The following SLA variants were observed in gnomAD, a reference collection of about 807,000 sequenced individuals.
SLA encodes Src like adaptor, also known as src-like-adapter.
A neutral mutation model predicts 30.3 loss-of-function variants in SLA; 16 were observed. The ratio of observed to expected loss-of-function variants is 0.53; its 90% CI spans 0.36 to 0.80. SLA has a LOEUF of 0.80. Ranked by LOEUF, SLA falls within the 30% of genes least tolerant of loss-of-function variation. The pLI is 0.01. For missense variants in SLA, 310 were observed against 345.2 expected (o/e 0.90, Z 0.81); for synonymous variants, 143 against 137.8 (o/e 1.04, Z -0.26).
intron 1 of SLA, among the ~76,000 whole-genome samples, chr8:133,080,808 A>T (rs1845627924): frequency 6.6e-6 from 1 of 152,086 alleles, no homozygotes; most frequent in Non-Finnish European, 1.5e-5. Flanking sequence ...TCCTGTGTGG[A>T]TGCCTTTCCC....
intron 2 of SLA, among the ~76,000 whole-genome samples, chr8:133,073,543 A>G (rs1192903646): frequency 6.6e-6 from 1 of 152,138 alleles, no homozygotes; most frequent in African/African-American, 2.4e-5. Flanking sequence ...TGTATTAAAT[A>G]GCATTCTTCT....
At chr8:133,042,787 G>A (rs922333623) in intron 7 of SLA, among the ~76,000 whole-genome samples, 6 of 143,422 alleles carry the variant, frequency 4.2e-5, no homozygotes, top group Non-Finnish European at 3.0e-5. Context: ...TCTGCCTCCT[G>A]GGTTCAAGTG....
chr8:133,054,540 G>A (rs560559656), intron 3 of SLA, among the ~76,000 whole-genome samples: 4 of 152,188 alleles, frequency 2.6e-5, no homozygotes, highest in African/African-American at 9.7e-5. Flanking sequence ...GCATTTTAGG[G>A]CCTGCCTTAG....
chr8:133,075,273 T>C (rs1844683603), intron 1 of SLA, 143 bp from the exon 2 acceptor site: 3 of 305,084 alleles, frequency 9.8e-6, no homozygotes, highest in Admixed American at 1.3e-4. Flanking sequence ...TTTGCTCTTG[T>C]ACATCCCCAG....
chr8:133,090,472 G>A (rs903133858), intron 1 of SLA, among the ~76,000 whole-genome samples: 3 of 152,212 alleles, frequency 2.0e-5, no homozygotes, highest in Non-Finnish European at 2.9e-5. Context: ...ACAGGGAAGC[G>A]AAGCAAGTTG....
chr8:133,067,811 AG>A (rs1373236170), intron 2 of SLA, among the ~76,000 whole-genome samples: 2 of 119,378 alleles, frequency 1.7e-5, no homozygotes, highest in Non-Finnish European at 4.1e-5. Flanking sequence ...AAAGAAAGAA[AG>A]GAAGGAAGGA....
intron 7 of SLA, among the ~76,000 whole-genome samples, chr8:133,043,084 G>A (rs1419509480): frequency 2.6e-5 from 4 of 152,086 alleles, no homozygotes; most frequent in South Asian, 2.1e-4. Flanking sequence ...AAACAGTTCC[G>A]GTTTTTACCC....
Position 133,040,044 on chromosome 8 carries a change from G to T in SLA, c.571C>A (p.Pro191Thr). Residue 191 changes from proline to threonine, a missense_variant, in exon 8 of 9, where the codon CCT becomes ACT. Pro to Thr is a conservative substitution (Grantham distance 38, BLOSUM62 -1). Coordinates refer to ENST00000338087, the MANE Select transcript of SLA (RefSeq NM_001045556.3). ...AAPAVRASSS[P>T]VTLRQKTVDW... ...ACAGTCTTCTGACGCAAGGTGACAG[G>T]TGAGCTGGAGGCCCTCACTGCTGGG... 6.4e-7 allele frequency: 1 copy of T among 1,552,666 alleles called. No homozygotes were observed. Among genetic ancestry groups the T allele is most frequent in the Non-Finnish European group, 8.7e-7 (1 of 1,147,478 alleles).
At chr8:133,063,294 A>G (rs1193066084) in intron 2 of SLA, among the ~76,000 whole-genome samples, 1 of 76,576 alleles carries the variant, frequency 1.3e-5, no homozygotes, top group East Asian at 3.8e-4. Flanking sequence ...CCTCCCCTCC[A>G]TCCCCTCCCC....
chr8:133,088,004 A>G (rs1163656336), intron 1 of SLA, among the ~76,000 whole-genome samples: 1 of 152,224 alleles, frequency 6.6e-6, no homozygotes, highest in African/African-American at 2.4e-5. Context: ...ACACAGAAGA[A>G]TGATTAAGAA....
chr8:133,065,391 G>C (rs1237312559), intron 2 of SLA, among the ~76,000 whole-genome samples: 1 of 152,230 alleles, frequency 6.6e-6, no homozygotes, highest in Admixed American at 6.5e-5. Context: ...CTCGCCACCA[G>C]TGCTGCCCTG....
chr8:133,091,106 G>C (rs1042806812), intron 1 of SLA, among the ~76,000 whole-genome samples: 1 of 152,220 alleles, frequency 6.6e-6, no homozygotes, highest in African/African-American at 2.4e-5. Flanking sequence ...GCTTCTACAC[G>C]TACAGCCCAC....
At chr8:133,073,590 T>G in intron 2 of SLA, among the ~76,000 whole-genome samples, 1 of 152,182 alleles carries the variant, frequency 6.6e-6, no homozygotes, top group Non-Finnish European at 1.5e-5. Context: ...TTTGCCAGAA[T>G]TTTTACCTGG....
At chr8:133,090,837 G>C (rs968232877) in intron 1 of SLA, among the ~76,000 whole-genome samples, 11 of 152,126 alleles carry the variant, frequency 7.2e-5, no homozygotes, top group African/African-American at 2.7e-4. Context: ...TGGAACAAGA[G>C]CCATGAGCTT....
rs1273333963 is a variant in SLA, at chr8:133,049,887, G to C, written c.248+15C>G. 1.2e-5 allele frequency: 19 copies of C among 1,538,188 alleles called. No homozygotes were observed. Among genetic ancestry groups the C allele is most frequent in the Non-Finnish European group, 1.7e-5 (19 of 1,110,854 alleles). ...GCATCATGCTTAATTGCTGCCATTTGAGAAATGTACTCACCCATGGTAAAC... is the reference window on the plus strand; with the variant it reads ...GCATCATGCTTAATTGCTGCCATTTCAGAAATGTACTCACCCATGGTAAAC... On this transcript the variant is annotated intron_variant, in intron 5 of 8. Transcript: ENST00000338087.
intron 1 of SLA, among the ~76,000 whole-genome samples, chr8:133,096,872 G>A (rs1848498239): frequency 6.6e-6 from 1 of 152,230 alleles, no homozygotes; most frequent in African/African-American, 2.4e-5. Context: ...TGTGTGGCTT[G>A]CTGGAGGCAC....
At chr8:133,101,010 A>G (rs896182684) in intron 1 of SLA, among the ~76,000 whole-genome samples, 1 of 152,084 alleles carries the variant, frequency 6.6e-6, no homozygotes, top group Non-Finnish European at 1.5e-5. Flanking sequence ...GGGTGTCTCT[A>G]GGTCAGCTAA....
intron 7 of SLA, among the ~76,000 whole-genome samples, chr8:133,041,912 C>T (rs1439726348): frequency 4.0e-5 from 6 of 151,698 alleles, no homozygotes; most frequent in South Asian, 4.2e-4. Flanking sequence ...CTCAGACTCC[C>T]GAGTAGCTGG....
intron 7 of SLA, chr8:133,040,441 G>A (rs1838006555): frequency 3.1e-6 from 1 of 318,732 alleles, no homozygotes; most frequent in Non-Finnish European, 5.9e-6. Context: ...TATCAAGAAC[G>A]TCTCTGAGCT....
Sources: allele counts gnomAD v4.1 joint callset (sites outside exome capture counted in the v4.1 genomes callset), GRCh38; gene constraint gnomAD v4.1.1; transcripts MANE v1.5; gene names NCBI Gene and HGNC (gene_info 2026-07-23, HGNC 2026-07-21).